ADGRL3: variants seen among roughly 807,000 people sequenced by gnomAD.
ADGRL3 encodes the protein calcium-independent alpha-latrotoxin receptor 3.
In ADGRL3, 62 loss-of-function variants were observed where a neutral mutation model predicts 153.5. The ratio of observed to expected loss-of-function variants is 0.40; its 90% CI spans 0.33 to 0.50. The LOEUF (loss-of-function observed/expected upper bound fraction) is 0.50, where lower values mean the gene tolerates loss of function less well. Among genes scored for constraint, ADGRL3 ranks in the 20% least tolerant of loss-of-function variants. The pLI is 0.47. For missense variants in ADGRL3, 1,641 were observed against 1,859.4 expected, an observed-to-expected ratio of 0.88 and a Z score of 2.16; for synonymous variants, 710 against 672.5, an observed-to-expected ratio of 1.06 and a Z score of -0.86.
At chr4:61,682,497 C>G (rs1177491940) in intron 6 of ADGRL3, among the ~76,000 whole-genome samples, 1 of 151,576 alleles carries the variant, frequency 6.6e-6, no homozygotes, top group Non-Finnish European at 1.5e-5. Context: ...ATATATTTTG[C>G]TATCATCATT....
intron 25 of ADGRL3, among the ~76,000 whole-genome samples, chr4:62,051,248 A>G (rs989990034): frequency 1.3e-5 from 2 of 150,644 alleles, no homozygotes; most frequent in African/African-American, 4.9e-5. Context: ...TCAGAAAAGG[A>G]ACAATAAAAT....
intron 19 of ADGRL3, among the ~76,000 whole-genome samples, chr4:61,994,396 C>T (rs1380943086): frequency 6.6e-6 from 1 of 152,076 alleles, no homozygotes; most frequent in East Asian, 1.9e-4. Flanking sequence ...AAGCGATCCT[C>T]CTGCCGTGGC....
At chr4:61,850,269 A>G (rs1226599317) in intron 9 of ADGRL3, among the ~76,000 whole-genome samples, 1 of 152,148 alleles carries the variant, frequency 6.6e-6, no homozygotes, top group East Asian at 1.9e-4. Context: ...TTATAGGTAT[A>G]GACACTGAAT....
chr4:61,630,778 AT>A (rs529233117), intron 5 of ADGRL3, among the ~76,000 whole-genome samples: 195 of 152,310 alleles, frequency 1.3e-3, no homozygotes, highest in Middle Eastern at 3.4e-3. Context: ...GAGCCGTTTT[AT>A]GGACAGGGAA....
At chr4:61,564,882 C>T (rs1175193046) in intron 4 of ADGRL3, among the ~76,000 whole-genome samples, 5 of 152,120 alleles carry the variant, frequency 3.3e-5, no homozygotes, top group African/African-American at 1.2e-4. Context: ...AAATGGTCAG[C>T]TGGTAGAGCG....
rs558945757 is a variant in ADGRL3, at chr4:62,037,815, T to G, written c.3676T>G (p.Ser1226Ala). The change falls in exon 24 of 27, where the codon TCT becomes GCT. Residue 1226 changes from serine (S) to alanine (A), a missense_variant. Coordinates refer to ENST00000683033, the MANE Select transcript of ADGRL3 (RefSeq NM_001387552.1). The stretch of plus-strand genomic sequence containing the variant: ...GAGTTCCATTGGTTCAGGGAAAACA[T>G]CTGGTTCTCGAACTCCTGGACGCTA... Reference protein sequence around the residue: ...TESSIGSGKTSGSRTPGRYST... With the variant: ...TESSIGSGKTAGSRTPGRYST... 3.1e-6 allele frequency: 5 copies of G among 1,613,690 alleles called. No individual in the cohort carries two copies. In the South Asian group the frequency reaches 5.5e-5, roughly 18 times the overall value.
chr4:61,462,896 T>A (rs2097840763), intron 2 of ADGRL3, among the ~76,000 whole-genome samples: 1 of 152,108 alleles, frequency 6.6e-6, no homozygotes, highest in Non-Finnish European at 1.5e-5. Context: ...TAAGGATTAG[T>A]CATGTTTGGG....
At chr4:61,954,645 A>G (rs896993544) in intron 17 of ADGRL3, among the ~76,000 whole-genome samples, 1 of 151,894 alleles carries the variant, frequency 6.6e-6, no homozygotes, top group African/African-American at 2.4e-5. Flanking sequence ...TGCTCTAGCC[A>G]CTGGCCTCCT....
chr4:61,845,465 C>T (rs2149056413), intron 9 of ADGRL3, among the ~76,000 whole-genome samples: 1 of 152,134 alleles, frequency 6.6e-6, no homozygotes. Context: ...ATCCTTACAC[C>T]TCAGCCTCCT....
chr4:61,733,090 T>C lies in ADGRL3; in HGVS notation c.935T>C (p.Ile312Thr), dbSNP rs2096464835. ...RTRIKSGEAI[I>T]ANANYHDTSP... ...AGGATAAAGAGTGGAGAGGCTATCA[T>C]AGCAAATGCCAATTACCATGATACC... The change falls in exon 8 of 27, where the codon ATA becomes ACA. Residue 312 changes from isoleucine to threonine, a missense_variant. Around this residue, in one of 5 missense-constraint regions of ADGRL3, gnomAD observed 213 missense variants for 362.1 expected, o/e 0.59. Coordinates refer to ENST00000683033, the MANE Select transcript of ADGRL3 (RefSeq NM_001387552.1). 6.2e-7 allele frequency: 1 copy of C among 1,613,408 alleles called. No individual in the cohort carries two copies. Among genetic ancestry groups the C allele is most frequent in the Admixed American group, 1.7e-5 (1 of 59,830 alleles).
rs189721065 is a variant in ADGRL3 at position 61,534,695 on chromosome 4, G to A, written c.259+17177G>A. On this transcript the variant is annotated intron_variant, in intron 4 of 26. Coordinates refer to ENST00000683033, the MANE Select transcript of ADGRL3 (RefSeq NM_001387552.1). ...TTCATAGGTATTTTATTATTTTTGTGTGTGGATATTTTAAATGGGATTGAG... is the reference window on the plus strand; with the variant it reads ...TTCATAGGTATTTTATTATTTTTGTATGTGGATATTTTAAATGGGATTGAG... Among the ~76,000 whole-genome samples, 261 of 152,056 alleles carry A rather than the reference G, an allele frequency of 1.7e-3. 1 individual carries two copies. Among genetic ancestry groups the A allele is most frequent in the African/African-American group, 5.7e-3 (235 of 41,504 alleles).
At chr4:62,045,879 T>A (rs1730871192) in intron 25 of ADGRL3, among the ~76,000 whole-genome samples, 1 of 152,034 alleles carries the variant, frequency 6.6e-6, no homozygotes, top group Non-Finnish European at 1.5e-5. Context: ...TTGTTTTTAT[T>A]GGCTAGAATA....
At chr4:61,553,333 A>G (rs1045465394) in intron 4 of ADGRL3, among the ~76,000 whole-genome samples, 2 of 152,326 alleles carry the variant, frequency 1.3e-5, no homozygotes, top group South Asian at 2.1e-4. Flanking sequence ...AAAAATAATC[A>G]TAATACAAAT....
At chr4:61,745,845 A>G (rs2151976351) in intron 8 of ADGRL3, among the ~76,000 whole-genome samples, 1 of 152,298 alleles carries the variant, frequency 6.6e-6, no homozygotes, top group Middle Eastern at 3.4e-3. Flanking sequence ...ACAGGATCAA[A>G]TTCACACATA....
intron 1 of ADGRL3, among the ~76,000 whole-genome samples, chr4:61,327,327 G>T (rs1485544647): frequency 2.8e-5 from 4 of 144,442 alleles, no homozygotes; most frequent in Non-Finnish European, 4.5e-5. Flanking sequence ...GTTTTACTCA[G>T]TTTTTTTTTT....
intron 8 of ADGRL3, among the ~76,000 whole-genome samples, chr4:61,753,600 T>C (rs527627648): frequency 9.6e-4 from 146 of 152,156 alleles, no homozygotes; most frequent in Non-Finnish European, 1.7e-3. Flanking sequence ...AATCAGGTAT[T>C]GGAGGATGCT....
chr4:61,711,489 T>TATATATATAC, intron 6 of ADGRL3, among the ~76,000 whole-genome samples: 1 of 107,924 alleles, frequency 9.3e-6, no homozygotes, highest in Non-Finnish European at 1.9e-5. Context: ...TATATATATA[T>TATATATATAC]ATACACACAC....
At chr4:61,244,361 T>C (rs962210636) in intron 1 of ADGRL3, among the ~76,000 whole-genome samples, 3 of 152,066 alleles carry the variant, frequency 2.0e-5, no homozygotes, top group African/African-American at 7.2e-5. Flanking sequence ...AACAGTATTA[T>C]AGAAGAGTTG....
chr4:61,667,764 CT>C (rs2094850435), intron 5 of ADGRL3, among the ~76,000 whole-genome samples: 1 of 152,158 alleles, frequency 6.6e-6, no homozygotes, highest in African/African-American at 2.4e-5. Context: ...CAAACATAAT[CT>C]TTTAACCAAA....
Sources: gnomAD v4.1 joint callset for allele counts (sites outside exome capture counted in the v4.1 genomes callset) on GRCh38, gnomAD v4.1.1 for gene constraint, gnomAD v4.1.1 regional missense constraint, MANE v1.5 for transcripts, NCBI Gene and HGNC (gene_info 2026-07-23, HGNC 2026-07-21) for gene names.